AKAP6: variants seen among roughly 807,000 people sequenced by gnomAD.
AKAP6 encodes the protein A-kinase anchor protein 6.
Under a neutral mutation model 188.5 loss-of-function variants are expected in AKAP6, and 58 were observed. The ratio of observed to expected loss-of-function variants is 0.31; its 90% CI spans 0.25 to 0.38. The LOEUF (loss-of-function observed/expected upper bound fraction) is 0.38. AKAP6 is among the 10% of genes least tolerant of loss of function. The probability of loss-of-function intolerance (pLI) is 1.00; values close to 1 mark genes in which losing one functional copy is unlikely to be tolerated. For missense variants in AKAP6, 2,710 were observed against 2,740.0 expected, an observed-to-expected ratio of 0.99 and a Z score of 0.24; for synonymous variants, 989 against 998.6, an observed-to-expected ratio of 0.99 and a Z score of 0.18.
intron 5 of AKAP6, among the ~76,000 whole-genome samples, chr14:32,582,490 G>A (rs1194021219): frequency 2.0e-5 from 3 of 151,894 alleles, no homozygotes; most frequent in South Asian, 2.1e-4. Flanking sequence ...TGCTCTTCTC[G>A]AGGAGTATGT....
At chr14:32,613,167 C>G (rs1454981627) in intron 7 of AKAP6, among the ~76,000 whole-genome samples, 1 of 152,194 alleles carries the variant, frequency 6.6e-6, no homozygotes, top group African/African-American at 2.4e-5. Context: ...AACACAGTCT[C>G]TCTGTTTTAT....
intron 5 of AKAP6, among the ~76,000 whole-genome samples, chr14:32,589,155 A>G (rs1160879829): frequency 6.6e-6 from 1 of 152,210 alleles, no homozygotes; most frequent in South Asian, 2.1e-4. Flanking sequence ...TAATGGGAGC[A>G]GTGGATCAAA....
chr14:32,588,604 G>T (rs1244777335), intron 5 of AKAP6, among the ~76,000 whole-genome samples: 1 of 152,148 alleles, frequency 6.6e-6, no homozygotes, highest in Non-Finnish European at 1.5e-5. Flanking sequence ...GAACTTTGTT[G>T]TTCCTTTTAA....
chr14:32,698,263 G>C (rs1445831128), intron 9 of AKAP6, among the ~76,000 whole-genome samples: 1 of 152,064 alleles, frequency 6.6e-6, no homozygotes, highest in Non-Finnish European at 1.5e-5. Flanking sequence ...TCCAGGTTAA[G>C]TCAACATTTT....
chr14:32,401,135 A>G (rs1889078523), intron 1 of AKAP6, among the ~76,000 whole-genome samples: 1 of 152,192 alleles, frequency 6.6e-6, no homozygotes, highest in African/African-American at 2.4e-5. Context: ...GAATGAAGCT[A>G]ATCTAGGGTA....
At chr14:32,529,791 T>C (rs927517493) in intron 2 of AKAP6, among the ~76,000 whole-genome samples, 10 of 152,130 alleles carry the variant, frequency 6.6e-5, no homozygotes, top group African/African-American at 2.2e-4. Context: ...AGATTTTTTG[T>C]ATAAAGTTGC....
chr14:32,709,966 A>G (rs1890972467), intron 9 of AKAP6, among the ~76,000 whole-genome samples: 1 of 152,024 alleles, frequency 6.6e-6, no homozygotes. Context: ...CTTTTGTAGC[A>G]GAAAATATGC....
chr14:32,660,037 G>A (rs571785856), intron 7 of AKAP6, among the ~76,000 whole-genome samples: 5 of 152,204 alleles, frequency 3.3e-5, no homozygotes, highest in African/African-American at 7.2e-5. Context: ...AAAGGGAATC[G>A]TATTGATTGG....
At chr14:32,379,807 C>T (rs1339182223) in intron 1 of AKAP6, among the ~76,000 whole-genome samples, 3 of 152,196 alleles carry the variant, frequency 2.0e-5, no homozygotes, top group Admixed American at 2.0e-4. Context: ...TAGCTTCCAT[C>T]TAGCCTGATA....
chr14:32,360,778 C>A (rs1025726191), intron 1 of AKAP6, among the ~76,000 whole-genome samples: 5 of 147,384 alleles, frequency 3.4e-5, no homozygotes, highest in Admixed American at 2.8e-4. Context: ...CATGGTTTTG[C>A]CCTCTTACCC....
intron 7 of AKAP6, among the ~76,000 whole-genome samples, chr14:32,618,053 C>T (rs1196675240): frequency 2.0e-5 from 3 of 151,976 alleles, no homozygotes; most frequent in Non-Finnish European, 4.4e-5. Flanking sequence ...GAAGCTAGAA[C>T]AATTAAATAA....
At position 32,585,492 on chromosome 14, in the gene AKAP6, A is replaced by ACGTGTG. The variant is rs4007573; in HGVS notation, c.2469+8250_2469+8251insCGTGTG. Among the ~76,000 whole-genome samples the ACGTGTG allele has an allele frequency of 9.4e-3, 1,425 of 150,834 alleles. 11 individuals carry two copies. Among genetic ancestry groups the ACGTGTG allele is most frequent in the Middle Eastern group, 0.031 (9 of 294 alleles). ...AAAATGGTGACTATGAACTATATAT[A>ACGTGTG]TGTGTGTGTGTGTGTGTGTGTGTAT... On this transcript the variant is annotated intron_variant, in intron 5 of 13. Transcript: ENST00000280979.
intron 1 of AKAP6, among the ~76,000 whole-genome samples, chr14:32,333,428 C>G (rs1206179131): frequency 2.0e-5 from 3 of 152,104 alleles, no homozygotes; most frequent in African/African-American, 7.2e-5. Context: ...ATGAGCAAGA[C>G]AGATGCAAAT....
chr14:32,655,641 C>T (rs1048700924), intron 7 of AKAP6, among the ~76,000 whole-genome samples: 9 of 151,972 alleles, frequency 5.9e-5, no homozygotes, highest in African/African-American at 2.2e-4. Flanking sequence ...TTGGTTTCAT[C>T]GAAGTAAGAG....
At chr14:32,473,396 T>C (rs1382112468) in intron 2 of AKAP6, among the ~76,000 whole-genome samples, 2 of 152,234 alleles carry the variant, frequency 1.3e-5, no homozygotes, top group Non-Finnish European at 1.5e-5. Flanking sequence ...GATGAAATTG[T>C]TAAAACAAGT....
At chr14:32,383,357 A>C (rs1387940741) in intron 1 of AKAP6, among the ~76,000 whole-genome samples, 1 of 152,150 alleles carries the variant, frequency 6.6e-6, no homozygotes, top group African/African-American at 2.4e-5. Context: ...TGACTGTACC[A>C]TGTCATTTCC....
intron 12 of AKAP6, among the ~76,000 whole-genome samples, chr14:32,788,770 A>G (rs913939872): frequency 6.6e-6 from 1 of 152,164 alleles, no homozygotes; most frequent in Admixed American, 6.5e-5. Flanking sequence ...GAGACCCAGG[A>G]GTTTTACAAT....
intron 11 of AKAP6, among the ~76,000 whole-genome samples, chr14:32,746,798 A>T (rs1379517395): frequency 2.6e-5 from 4 of 152,148 alleles, no homozygotes; most frequent in Non-Finnish European, 5.9e-5. Context: ...TAGGTCAAAG[A>T]TCTGTTACTT....
chr14:32,742,159 G>A (rs111774475), intron 11 of AKAP6, among the ~76,000 whole-genome samples: 178 of 151,868 alleles, frequency 1.2e-3, no homozygotes, highest in African/African-American at 4.1e-3. Context: ...ATTTATTGGC[G>A]TATAGTTGCT....
Sources: gnomAD v4.1 joint callset for allele counts (sites outside exome capture counted in the v4.1 genomes callset) on GRCh38, gnomAD v4.1.1 for gene constraint, MANE v1.5 for transcripts, NCBI Gene and HGNC (gene_info 2026-07-23, HGNC 2026-07-21) for gene names.